USP50: variants seen among roughly 807,000 people sequenced by gnomAD.
USP50 encodes ubiquitin specific peptidase 50.
A neutral mutation model predicts 39.2 loss-of-function variants in USP50; 37 were observed. The ratio of observed to expected loss-of-function variants is 0.94; its 90% CI spans 0.73 to 1.24. USP50 has a LOEUF of 1.24. Among genes scored for constraint, USP50 ranks in the 50% most tolerant of loss-of-function variants. The pLI is 0.00. For synonymous variants in USP50, 139 were observed against 144.5 expected (o/e 0.96, Z 0.27); for missense variants, 374 against 398.2 (o/e 0.94, Z 0.52).
At chr15:50,513,941 A>T (rs1289111648) in intron 6 of USP50, 1 of 152,204 alleles carries the variant, frequency 6.6e-6, no homozygotes, top group Non-Finnish European at 1.5e-5. Context: ...AACTGTGTAC[A>T]CTATGTTCAC....
At chr15:50,522,371 T>C (rs1189788746) in intron 6 of USP50, among the ~76,000 whole-genome samples, 1 of 152,126 alleles carries the variant, frequency 6.6e-6, no homozygotes, top group African/African-American at 2.4e-5. Flanking sequence ...GCAGAATAGA[T>C]CAATTACAAT....
At position 50,500,703 on chromosome 15, in the gene USP50, GAGATCCATAGC is replaced by G. The variant is rs1394811919; in HGVS notation, c.*55_*65del. 2 of 1,435,672 alleles carry G rather than the reference GAGATCCATAGC, an allele frequency of 1.4e-6. No individual in the cohort carries two copies. The highest frequency in any genetic ancestry group is 2.8e-5 in the African/African-American group (2 of 70,774). 88.9% of individuals were successfully genotyped at this position (1,435,672 alleles called of 1,614,324 possible). A position where few individuals can be genotyped will look rare whatever the true frequency, so the allele number is the denominator to read the frequency against. ...AAAAGGGCTGGCAGCTATAGAACAGGAGATCCATAGCATTTTGAACAGAAGTATCTGGAATC... is the reference window on the plus strand; with the variant it reads ...AAAAGGGCTGGCAGCTATAGAACAGGATTTTGAACAGAAGTATCTGGAATC... On this transcript the variant is annotated 3_prime_UTR_variant, in exon 7 of 7. Coordinates refer to ENST00000532404, the MANE Select transcript of USP50 (RefSeq NM_203494.5).
At chr15:50,499,123 AG>A, downstream of USP50, 1 of 1,536,230 alleles carries the variant, frequency 6.5e-7, no homozygotes, top group Non-Finnish European at 8.8e-7. Context: ...ATCTTTTAAA[AG>A]GCTCAGCAAC....
At chr15:50,498,804 A>G (rs1040887124), downstream of USP50, 1 of 1,551,736 alleles carries the variant, frequency 6.4e-7, no homozygotes, top group Non-Finnish European at 8.7e-7. Context: ...TTCCTACCTC[A>G]TGGAAGAGTA....
At chr15:50,533,909 A>C (rs1389366735) in intron 5 of USP50, among the ~76,000 whole-genome samples, 1 of 152,198 alleles carries the variant, frequency 6.6e-6, no homozygotes, top group African/African-American at 2.4e-5. Flanking sequence ...CTGAGGCAGG[A>C]GAATCGCTTG....
At chr15:50,540,978 G>T (rs1392778050) in intron 4 of USP50, 71 bp downstream of exon 4, 3 of 1,206,886 alleles carry the variant, frequency 2.5e-6, no homozygotes, top group Non-Finnish European at 3.6e-6. Flanking sequence ...ACAAATGTAG[G>T]AAACAGCCCC....
At chr15:50,543,531 A>G in intron 3 of USP50, 67 bp downstream of exon 3, 2 of 1,458,210 alleles carry the variant, frequency 1.4e-6, no homozygotes, top group Non-Finnish European at 1.9e-6. Context: ...AAGTAAAAGA[A>G]TGAAAAATGG....
At chr15:50,539,391 G>GGTT in intron 4 of USP50, among the ~76,000 whole-genome samples, 1 of 136,140 alleles carries the variant, frequency 7.3e-6, no homozygotes, top group South Asian at 2.4e-4. Context: ...TAACTTTTCT[G>GGTT]TTTTTTTTTT....
In USP50 at chr15:50,543,746, A is replaced by G. The variant is rs2053048623; in HGVS notation, c.296T>C (p.Met99Thr). 1.2e-6 allele frequency: 2 copies of G among 1,610,462 alleles called. No homozygotes were observed. Among genetic ancestry groups the G allele is most frequent in the Non-Finnish European group, 1.7e-6 (2 of 1,178,146 alleles). ...GACACAGTCTGAGTCTCCCAGCCAC[A>G]TGTCTGTCATCAGATAGGCAAAAGC... Reference protein sequence around the residue: ...ATAFAYLMTDMWLGDSDCVSP... With the variant: ...ATAFAYLMTDTWLGDSDCVSP... Residue 99 changes from methionine (M) to threonine (T), a missense_variant, in exon 3 of 7, where the codon ATG (methionine) becomes ACG (threonine). Met to Thr is a moderately conservative substitution (Grantham distance 81, BLOSUM62 -1). Coordinates refer to ENST00000532404, the MANE Select transcript of USP50 (RefSeq NM_203494.5).
At chr15:50,529,439 G>C (rs2052923270) in intron 6 of USP50, among the ~76,000 whole-genome samples, 1 of 152,038 alleles carries the variant, frequency 6.6e-6, no homozygotes, top group South Asian at 2.1e-4. Flanking sequence ...AGCGAGCTGG[G>C]ATTGCACCAC....
At chr15:50,532,856 T>C (rs548330558) in intron 5 of USP50, among the ~76,000 whole-genome samples, 69 of 151,936 alleles carry the variant, frequency 4.5e-4, no homozygotes, top group South Asian at 4.4e-3. Flanking sequence ...GTTAGTTTCT[T>C]TTCTTTTCTT....
chr15:50,537,825 C>CTCCAG (rs1411567970), intron 5 of USP50, among the ~76,000 whole-genome samples: 2 of 137,872 alleles, frequency 1.5e-5, no homozygotes, highest in Non-Finnish European at 3.1e-5. Context: ...CACCACTGCA[C>CTCCAG]TCCAGCCTGG....
intron 6 of USP50, among the ~76,000 whole-genome samples, chr15:50,528,065 GTTTTTTT>G (rs57802702): frequency 7.5e-4 from 96 of 128,714 alleles, no homozygotes; most frequent in Non-Finnish European, 9.8e-4. Flanking sequence ...AAAGAACTAA[GTTTTTTT>G]TTTTTTTTTT....
At chr15:50,533,736 A>C (rs1566910058) in intron 5 of USP50, among the ~76,000 whole-genome samples, 1 of 152,216 alleles carries the variant, frequency 6.6e-6, no homozygotes, top group Non-Finnish European at 1.5e-5. Flanking sequence ...ACGGTGGCTC[A>C]TGCCTGTAAT....
intron 4 of USP50, among the ~76,000 whole-genome samples, chr15:50,540,282 G>A (rs1332317844): frequency 2.0e-5 from 3 of 152,064 alleles, no homozygotes; most frequent in Admixed American, 1.3e-4. Context: ...GTAAACCAAG[G>A]CACTAGATTC....
Position 50,538,869 on chromosome 15 carries a change from G to T in USP50, c.661-18C>A. 1.3e-6 allele frequency: 2 copies of T among 1,583,124 alleles called. No homozygotes were observed. The highest frequency in any genetic ancestry group is 1.7e-6 in the Non-Finnish European group (2 of 1,166,352). ...AGACAGTCCTGTTAAGGAAAAAAAG[G>T]ATTTGGTGACCAAATTGGATCAACT... On this transcript the variant is annotated intron_variant, in intron 4 of 6. Coordinates refer to ENST00000532404, the MANE Select transcript of USP50 (RefSeq NM_203494.5).
At chr15:50,537,896 GAGGGAAGGGGAGGGAAGGGA>G (rs2052993045) in intron 5 of USP50, among the ~76,000 whole-genome samples, 2 of 15,146 alleles carry the variant, frequency 1.3e-4, no homozygotes, top group South Asian at 4.3e-3. Flanking sequence ...GAGGGGAGGG[GAGGGAAGGGGAGGGAAGGGA>G]AGGGAAGGGA....
At chr15:50,510,716 C>A (rs889910716) in intron 6 of USP50, 4 of 151,922 alleles carry the variant, frequency 2.6e-5, no homozygotes, top group Non-Finnish European at 4.4e-5. Context: ...AGTGTATACA[C>A]TGCTAAATGT....
At chr15:50,509,056 C>CA (rs2052701881) in intron 6 of USP50, 1 of 86,082 alleles carries the variant, frequency 1.2e-5, no homozygotes, top group South Asian at 3.9e-4. Context: ...ATGGCGTGAA[C>CA]CCGGGGTCGG....
Sources: gnomAD v4.1 joint callset for allele counts (sites outside exome capture counted in the v4.1 genomes callset) on GRCh38, gnomAD v4.1.1 for gene constraint, MANE v1.5 for transcripts, NCBI Gene and HGNC (gene_info 2026-07-23, HGNC 2026-07-21) for gene names.